TRPM8: variants seen among roughly 807,000 people sequenced by gnomAD.
The protein encoded by TRPM8 is transient receptor potential cation channel subfamily M member 8.
TRPM8 carries 110 observed loss-of-function variants against 133.7 expected under a neutral mutation model. The observed-to-expected ratio is 0.82, with a 90% confidence interval of 0.70 to 0.96. The LOEUF is 0.96. Ranked by LOEUF, TRPM8 falls within the 40% of genes least tolerant of loss-of-function variation. The probability of loss-of-function intolerance (pLI) is 0.00; values close to 1 mark genes in which losing one functional copy is unlikely to be tolerated. For synonymous variants in TRPM8, 535 were observed against 532.3 expected (o/e 1.01, Z -0.07); for missense variants, 1,291 against 1,379.5 (o/e 0.94, Z 1.02).
Position 233,999,849 on chromosome 2 carries a change from G to C in TRPM8, c.3130+3333G>C, listed in dbSNP as rs528893890. On this transcript the variant is annotated intron_variant, in intron 22 of 25. Transcript: ENST00000324695. Reference sequence around the variant, plus strand: ...TGCATTCACCCCTGGAAAATGCTGAGTATACGGGCTGAACCCGGGGAGACT... The same window carrying C: ...TGCATTCACCCCTGGAAAATGCTGACTATACGGGCTGAACCCGGGGAGACT... Among the ~76,000 whole-genome samples the C allele has an allele frequency of 7.2e-5, 11 of 152,314 alleles. No individual in the cohort carries two copies. The East Asian group carries it at 2.1e-3, about 29-fold the overall frequency.
At position 233,985,807 on chromosome 2, in the gene TRPM8, T is replaced by C; in HGVS notation, c.2881T>C (p.Cys961Arg). The change falls in exon 21 of 26, where the codon TGC becomes CGC. Residue 961 changes from cysteine to arginine, a missense_variant. Physicochemically the swap from Cys to Arg is radical, Grantham distance 180. This residue lies in a region of TRPM8 where 328 missense variants were observed against 410.6 expected (regional missense o/e 0.80). Transcript: ENST00000324695. Reference sequence around the variant, plus strand: ...CGAGTGGATCACCATCCCCCTGGTGTGCATCTACATGTTATCCACCAACAT... The same window carrying C: ...CGAGTGGATCACCATCCCCCTGGTGCGCATCTACATGTTATCCACCAACAT... ...FPEWITIPLV[C>R]IYMLSTNILL... 3 of 1,614,194 alleles carry C rather than the reference T, an allele frequency of 1.9e-6. No homozygotes were observed. Among genetic ancestry groups the C allele is most frequent in the Non-Finnish European group, 2.5e-6 (3 of 1,180,034 alleles).
At chr2:233,947,327 CAAG>C (rs1276067255) in intron 8 of TRPM8, 172 bp downstream of exon 8, 1 of 1,543,436 alleles carries the variant, frequency 6.5e-7, no homozygotes, top group South Asian at 1.2e-5. Flanking sequence ...ATTCCTCAGT[CAAG>C]AAGATTTGGG....
intron 18 of TRPM8, 110 bp from the exon 19 acceptor site, chr2:233,981,664 C>T (rs1178666861): frequency 8.5e-6 from 10 of 1,171,004 alleles, no homozygotes; most frequent in Non-Finnish European, 5.9e-6. Flanking sequence ...TTTTCACTCA[C>T]TCAACCTTCC....
Position 233,936,289 on chromosome 2 carries a change from A to G in TRPM8, c.192-1064A>G, listed in dbSNP as rs528635107. On this transcript the variant is annotated intron_variant, in intron 3 of 25. Coordinates refer to ENST00000324695, the MANE Select transcript of TRPM8 (RefSeq NM_024080.5). ...GACTCAGAGTGGATTTTCGGTCAGTATCTGTTGAATGAAGGTGGTATGTTG... is the reference window on the plus strand; with the variant it reads ...GACTCAGAGTGGATTTTCGGTCAGTGTCTGTTGAATGAAGGTGGTATGTTG... 3.3e-5 allele frequency among the ~76,000 whole-genome samples: 5 copies of G among 152,296 alleles called. No homozygotes were observed. In the South Asian group the frequency reaches 1.0e-3, roughly 32 times the overall value.
At chr2:234,011,801 C>T (rs896956944) in intron 24 of TRPM8, among the ~76,000 whole-genome samples, 5 of 150,264 alleles carry the variant, frequency 3.3e-5, no homozygotes, top group Admixed American at 6.7e-5. Flanking sequence ...CCTGTAGTCC[C>T]AGCTACTCTG....
intron 4 of TRPM8, among the ~76,000 whole-genome samples, chr2:233,937,970 C>A (rs1690800626): frequency 1.3e-5 from 2 of 152,222 alleles, no homozygotes; most frequent in African/African-American, 4.8e-5. Context: ...TGCTCCCAGT[C>A]TCAATGAGAG....
At chr2:233,931,370 T>C (rs552804053) in intron 3 of TRPM8, among the ~76,000 whole-genome samples, 37 of 152,310 alleles carry the variant, frequency 2.4e-4, no homozygotes, top group African/African-American at 8.9e-4. Context: ...TCCTTATTCC[T>C]CTCTGCCCCT....
rs777806907 is a variant in TRPM8 at position 233,963,284 on chromosome 2, C to G, written c.1656C>G (p.Asp552Glu). The G allele has an allele frequency of 5.0e-6, 8 of 1,609,468 alleles. No homozygotes were observed. The South Asian group carries it at 7.7e-5, about 16-fold the overall frequency. Residue 552 changes from aspartate (D) to glutamate (E), a missense_variant and splice_region_variant, in exon 13 of 26, where the codon GAC (aspartate) becomes GAG (glutamate). This residue lies in a region of TRPM8 where 963 missense variants were observed against 968.9 expected (regional missense o/e 0.99). Coordinates refer to ENST00000324695, the MANE Select transcript of TRPM8 (RefSeq NM_024080.5). The stretch of plus-strand genomic sequence containing the variant: ...GACCACATGCTCTAACCCCCCAGGA[C>G]GTGTCTCCTATTACTCGGCACCCCC... ...GRDEMDIELH[D>E]VSPITRHPLQ...
intron 5 of TRPM8, among the ~76,000 whole-genome samples, chr2:233,940,044 CTTTG>C (rs1447239307): frequency 2.2e-5 from 3 of 138,766 alleles, no homozygotes; most frequent in African/African-American, 9.0e-5. Flanking sequence ...ATCGATTTAG[CTTTG>C]TTTTTTTTTT....
intron 25 of TRPM8, 128 bp downstream of exon 25, chr2:234,014,782 TG>T: frequency 6.4e-6 from 2 of 313,978 alleles, no homozygotes; most frequent in African/African-American, 9.4e-5. Flanking sequence ...TAATGCATTG[TG>T]CAAAAAAAAA....
In TRPM8 at chr2:233,999,311, C is replaced by A. The variant is rs558425821; in HGVS notation, c.3130+2795C>A. On this transcript the variant is annotated intron_variant, in intron 22 of 25. Transcript: ENST00000324695. ...CAGCAGCAGGGAGTCTCAGTGTCAC[C>A]ACACATAGCAGCTGGGTTCCTGCAA... Among the ~76,000 whole-genome samples the A allele has an allele frequency of 2.6e-5, 4 of 151,246 alleles. No individual in the cohort carries two copies. In the South Asian group the frequency reaches 8.3e-4, roughly 31 times the overall value.
intron 13 of TRPM8, among the ~76,000 whole-genome samples, chr2:233,963,735 T>A (rs1336320112): frequency 6.6e-6 from 1 of 152,200 alleles, no homozygotes; most frequent in African/African-American, 2.4e-5. Context: ...TTTGGAAAGT[T>A]TATGGAGAAT....
At chr2:233,982,979 A>G in intron 19 of TRPM8, 74 bp from the exon 20 acceptor site, 1 of 1,531,002 alleles carries the variant, frequency 6.5e-7, no homozygotes, top group Admixed American at 1.8e-5. Flanking sequence ...TGGTCCACTG[A>G]GGACGGCCGG....
chr2:233,951,676 T>C (rs1026657153), intron 9 of TRPM8, among the ~76,000 whole-genome samples: 1 of 152,242 alleles, frequency 6.6e-6, no homozygotes, highest in African/African-American at 2.4e-5. Flanking sequence ...AGCTAATTCA[T>C]ATTCATACTG....
intron 1 of TRPM8, among the ~76,000 whole-genome samples, chr2:233,925,043 T>C (rs1691487010): frequency 6.6e-6 from 1 of 152,168 alleles, no homozygotes; most frequent in South Asian, 2.1e-4. Context: ...GGAGGGGCGA[T>C]CTGGATGGAG....
rs1559516098 is a variant in TRPM8 at position 233,927,774 on chromosome 2, CTTT to C, written c.117+1121_117+1123del. On this transcript the variant is annotated intron_variant, in intron 2 of 25. Coordinates refer to ENST00000324695, the MANE Select transcript of TRPM8 (RefSeq NM_024080.5). ...TCTTTCTTTCTTTCTTTCTTTCTTT[CTTT>C]CTTTCTTTCTTTCTTTTCTTTCCTT... Among the ~76,000 whole-genome samples the C allele has an allele frequency of 4.9e-3, 276 of 56,498 alleles. 29 individuals carry two copies. Among genetic ancestry groups the C allele is most frequent in the African/African-American group, 0.036 (167 of 4,638 alleles). The allele number at this position is 56,498 out of a possible 152,430, so 37.1% of individuals were successfully genotyped here. A position where few individuals can be genotyped will look rare whatever the true frequency, so the allele number is the denominator to read the frequency against.
At position 233,990,842 on chromosome 2, in the gene TRPM8, C is replaced by T. The variant is rs552116016; in HGVS notation, c.2939+4977C>T. On this transcript the variant is annotated intron_variant, in intron 21 of 25. Transcript: ENST00000324695. ...GGTGCAGCCTTATTGCCATTTTACACGTAAGGAGTGGGAGGCAGAGAAAGG... is the reference window on the plus strand; with the variant it reads ...GGTGCAGCCTTATTGCCATTTTACATGTAAGGAGTGGGAGGCAGAGAAAGG... Among the ~76,000 whole-genome samples, 156 of 152,120 alleles carry T rather than the reference C, an allele frequency of 1.0e-3. 5 individuals are homozygous for T. In the South Asian group the frequency reaches 0.027, roughly 27 times the overall value.
chr2:233,942,272 G>T (rs1305068673), intron 5 of TRPM8, among the ~76,000 whole-genome samples: 2 of 151,942 alleles, frequency 1.3e-5, no homozygotes, highest in African/African-American at 4.8e-5. Context: ...TAGAGATGGG[G>T]TTTCACCATC....
chr2:233,972,572 G>T lies in TRPM8; in HGVS notation c.2355+2146G>T, dbSNP rs1691755242. ...GCACAGGAGCCCACTGAGGGGGTGG[G>T]AGGCTCAGGCATGGTGGGCTGCAGG... On this transcript the variant is annotated intron_variant, in intron 17 of 25. Coordinates refer to ENST00000324695, the MANE Select transcript of TRPM8 (RefSeq NM_024080.5). Among the ~76,000 whole-genome samples the T allele has an allele frequency of 2.0e-5, 3 of 152,370 alleles. No homozygotes were observed. The South Asian group carries it at 6.2e-4, about 32-fold the overall frequency.
Sources: gnomAD v4.1 joint callset for allele counts (sites outside exome capture counted in the v4.1 genomes callset) on GRCh38, gnomAD v4.1.1 for gene constraint, gnomAD v4.1.1 regional missense constraint, MANE v1.5 for transcripts, NCBI Gene and HGNC (gene_info 2026-07-23, HGNC 2026-07-21) for gene names.